The following VWA8 variants were observed in gnomAD, a reference collection of about 807,000 sequenced individuals.
VWA8 encodes von Willebrand factor A domain-containing protein 8.
In VWA8, 221 loss-of-function variants were observed where a neutral mutation model predicts 241.5. The observed-to-expected ratio is 0.91, with a 90% CI of 0.82 to 1.02. The LOEUF (loss-of-function observed/expected upper bound fraction) is 1.02, where lower values mean the gene tolerates loss of function less well. Ranked by LOEUF, VWA8 falls within the 50% of genes least tolerant of loss-of-function variation. VWA8 has a pLI of 0.00. For missense variants in VWA8, 2,322 were observed against 2,328.7 expected (o/e 1.00, Z 0.06); for synonymous variants, 852 against 827.1 (o/e 1.03, Z -0.52).
intron 37 of VWA8, among the ~76,000 whole-genome samples, chr13:41,646,131 T>TA (rs1420296059): frequency 1.3e-5 from 2 of 152,132 alleles, no homozygotes; most frequent in Non-Finnish European, 2.9e-5. Flanking sequence ...CACGCCCAGC[T>TA]AATTTTGTAT....
Position 41,830,317 on chromosome 13 carries a change from T to TAAA in VWA8, c.1700+209_1700+211dup, listed in dbSNP as rs397977609. 9.0e-3 allele frequency among the ~76,000 whole-genome samples: 1,308 copies of TAAA among 146,010 alleles called. 29 individuals carry two copies. Among genetic ancestry groups the TAAA allele is most frequent in the African/African-American group, 0.029 (1,166 of 39,938 alleles). On this transcript the variant is annotated intron_variant, in intron 14 of 44. Coordinates refer to ENST00000379310, the MANE Select transcript of VWA8 (RefSeq NM_015058.2). ...AAACAGTTGATTAGGTTTTTTTTTT[T>TAAA]AAAAAAAAAAAGTAAGGCTGAGAGT...
Position 41,689,483 on chromosome 13 carries a change from T to C in VWA8, c.4002A>G (p.Lys1334=), listed in dbSNP as rs752729228. The C allele has an allele frequency of 6.2e-7, 1 of 1,610,832 alleles. No homozygotes were observed. The highest frequency in any genetic ancestry group is 1.3e-5 in the African/African-American group (1 of 74,808). Residue 1334 remains lysine (K), a synonymous_variant, in exon 34 of 45, where the codon AAA becomes AAG. Transcript: ENST00000379310. ...CAGATGATAGTTGATCACTGGAAAT[T>C]TTATGAGGTATGCTGAACTCTGTTT... is the stretch of plus-strand genomic sequence containing the variant. ...TQETEFSIPH[K]ISSDQLSSEH...
chr13:41,721,492 G>A lies in VWA8; in HGVS notation c.2842C>T (p.Pro948Ser), dbSNP rs1434600160. The A allele has an allele frequency of 6.2e-7, 1 of 1,613,898 alleles. No individual in the cohort carries two copies. Among genetic ancestry groups the A allele is most frequent in the Non-Finnish European group, 8.5e-7 (1 of 1,179,866 alleles). Residue 948 changes from proline (P) to serine (S), a missense_variant, in exon 25 of 45, where the codon CCT becomes TCT. By Grantham distance (74) the Pro-to-Ser change is moderately conservative. Transcript: ENST00000379310. ...EMLRQYGPNV[P>S]EPILQKLVAA... is the part of the protein sequence containing the mutation. ...ACAAGCTTCTGAAGGATGGGCTCAG[G>A]CACATTTGGTCCATACTGTCTGAGC... is the stretch of plus-strand genomic sequence containing the variant.
rs868726893 is a variant in VWA8 at position 41,863,439 on chromosome 13, A to G, written c.1425+2297T>C. On this transcript the variant is annotated intron_variant, in intron 12 of 44. Coordinates refer to ENST00000379310, the MANE Select transcript of VWA8 (RefSeq NM_015058.2). The stretch of plus-strand genomic sequence containing the variant: ...TGTGTGTGTGTGTGTGTGTGTATAT[A>G]TATATATATATATATTCACACACAC... Among the ~76,000 whole-genome samples the G allele has an allele frequency of 2.2e-3, 238 of 106,688 alleles. 2 individuals are homozygous for G. Among genetic ancestry groups the G allele is most frequent in the East Asian group, 0.013 (47 of 3,726 alleles). The allele number at this position is 106,688 out of a possible 152,430, so 70.0% of individuals were successfully genotyped here.
At chr13:41,683,012 T>C (rs1220700497) in intron 35 of VWA8, among the ~76,000 whole-genome samples, 1 of 152,058 alleles carries the variant, frequency 6.6e-6, no homozygotes, top group Non-Finnish European at 1.5e-5. Context: ...CTGATAGAAA[T>C]GCAAAATGGT....
At chr13:41,806,583 G>GTCCCAGC (rs1170620525) in intron 17 of VWA8, among the ~76,000 whole-genome samples, 1 of 151,876 alleles carries the variant, frequency 6.6e-6, no homozygotes, top group African/African-American at 2.4e-5. Context: ...CGTGCCTGTA[G>GTCCCAGC]TCCCAGCTGC....
chr13:41,841,263 C>T (rs1871985496), intron 12 of VWA8, among the ~76,000 whole-genome samples: 1 of 152,172 alleles, frequency 6.6e-6, no homozygotes, highest in South Asian at 2.1e-4. Flanking sequence ...CTCAGGCTAG[C>T]TTCACAAATT....
chr13:41,670,942 G>A lies in VWA8; in HGVS notation c.4611+4C>T. On this transcript the variant is annotated splice_donor_region_variant and intron_variant, in intron 37 of 44. Coordinates refer to ENST00000379310, the MANE Select transcript of VWA8 (RefSeq NM_015058.2). ...CTAAGAGATAAGGTGAATTCAAATG[G>A]TACCTGCATATTTCTGTCATCTTGT... 6.2e-7 allele frequency: 1 copy of A among 1,613,252 alleles called. No homozygotes were observed. The highest frequency in any genetic ancestry group is 8.5e-7 in the Non-Finnish European group (1 of 1,179,722).
At chr13:41,602,091 C>T (rs921390465) in intron 40 of VWA8, among the ~76,000 whole-genome samples, 2 of 152,050 alleles carry the variant, frequency 1.3e-5, no homozygotes, top group Non-Finnish European at 2.9e-5. Context: ...GTTCCATATT[C>T]TACACAAGGC....
chr13:41,761,158 T>C lies in VWA8; in HGVS notation c.2396A>G (p.Asn799Ser), dbSNP rs747317410. The change falls in exon 21 of 45, where the codon AAC (asparagine) becomes AGC (serine). Residue 799 changes from asparagine (N) to serine (S), a missense_variant. Coordinates refer to ENST00000379310, the MANE Select transcript of VWA8 (RefSeq NM_015058.2). ...TAGCTGAATATATTCTCGGGGTCTG[T>C]TGAGCAGGTGAAGGAATCTGTCAAC... ...KIVDRFLHLL[N>S]RPREYIQLHR... The C allele has an allele frequency of 3.1e-6, 5 of 1,611,928 alleles. No homozygotes were observed. Among genetic ancestry groups the C allele is most frequent in the Non-Finnish European group, 3.4e-6 (4 of 1,178,558 alleles).
intron 37 of VWA8, among the ~76,000 whole-genome samples, chr13:41,651,545 C>G (rs2044869280): frequency 6.6e-6 from 1 of 152,138 alleles, no homozygotes; most frequent in South Asian, 2.1e-4. Context: ...TGCAACTACT[C>G]AACTGTGCCT....
intron 21 of VWA8, among the ~76,000 whole-genome samples, chr13:41,736,844 C>CT (rs5803100): frequency 0.17 from 21,680 of 128,264 alleles, 2,043 homozygotes; most frequent in Non-Finnish European, 0.22. Context: ...TTTTTCTTTT[C>CT]TTTTTTTTTT....
chr13:41,786,889 T>G (rs566252983), intron 18 of VWA8, among the ~76,000 whole-genome samples: 195 of 151,758 alleles, frequency 1.3e-3, no homozygotes, highest in Non-Finnish European at 2.2e-3. Flanking sequence ...GAACTAAATC[T>G]CCCCGAAACT....
chr13:41,611,746 G>A lies in VWA8; in HGVS notation c.4721-14C>T, dbSNP rs369106098. On this transcript the variant is annotated splice_polypyrimidine_tract_variant and intron_variant, in intron 38 of 44. Coordinates refer to ENST00000379310, the MANE Select transcript of VWA8 (RefSeq NM_015058.2). Reference sequence around the variant, plus strand: ...TGTCTCTTCCCCCTGGAAGGAAAACGTGGAAATTCAGATGATAAATCTGAA... The same window carrying A: ...TGTCTCTTCCCCCTGGAAGGAAAACATGGAAATTCAGATGATAAATCTGAA... The A allele has an allele frequency of 9.9e-6, 16 of 1,613,288 alleles. No homozygotes were observed. The highest frequency in any genetic ancestry group is 3.3e-4 in the Middle Eastern group (2 of 6,062).
chr13:41,586,797 C>T (rs887363240), intron 42 of VWA8, among the ~76,000 whole-genome samples: 8 of 152,130 alleles, frequency 5.3e-5, no homozygotes, highest in Non-Finnish European at 7.4e-5. Context: ...CATATCTGCA[C>T]GTGCATACAG....
At position 41,685,042 on chromosome 13, in the gene VWA8, C is replaced by T. The variant is rs746615143; in HGVS notation, c.4327+5G>A. Reference sequence around the variant, plus strand: ...TAAATTAGGAATTGGTGAGTTCCTTCTTACCTTTTGGGTAGATATCTTTTA... The same window carrying T: ...TAAATTAGGAATTGGTGAGTTCCTTTTTACCTTTTGGGTAGATATCTTTTA... On this transcript the variant is annotated splice_donor_5th_base_variant and intron_variant, in intron 35 of 44. Transcript: ENST00000379310. 31 of 1,611,182 alleles carry T rather than the reference C, an allele frequency of 1.9e-5. No individual in the cohort carries two copies. In the Admixed American group the frequency reaches 2.2e-4, roughly 11 times the overall value.
chr13:41,701,131 G>T (rs1287774257), intron 28 of VWA8, among the ~76,000 whole-genome samples: 2 of 152,068 alleles, frequency 1.3e-5, no homozygotes, highest in Non-Finnish European at 2.9e-5. Flanking sequence ...CACATGCCTG[G>T]GTGTGTTTAA....
chr13:41,864,237 G>C (rs1257004900), intron 12 of VWA8, among the ~76,000 whole-genome samples: 4 of 151,990 alleles, frequency 2.6e-5, no homozygotes, highest in Non-Finnish European at 5.9e-5. Flanking sequence ...TGGTGCAGCT[G>C]CTATGGAAAA....
At chr13:41,888,780 G>A (rs1261275535) in intron 5 of VWA8, among the ~76,000 whole-genome samples, 1 of 152,082 alleles carries the variant, frequency 6.6e-6, no homozygotes, top group Non-Finnish European at 1.5e-5. Context: ...TGTATAACAG[G>A]ACAAATGTCT....
Sources: gnomAD v4.1 joint callset for allele counts (sites outside exome capture counted in the v4.1 genomes callset) on GRCh38, gnomAD v4.1.1 for gene constraint, MANE v1.5 for transcripts, NCBI Gene and HGNC (gene_info 2026-07-23, HGNC 2026-07-21) for gene names.